TTC7A: variants seen among roughly 807,000 people sequenced by gnomAD.
TTC7A encodes the protein tetratricopeptide repeat domain 7A.
TTC7A carries 110 observed loss-of-function variants against 103.7 expected under a neutral mutation model. The observed-to-expected ratio is 1.06, with a 90% CI of 0.91 to 1.24. The LOEUF (loss-of-function observed/expected upper bound fraction) is 1.24, where lower values mean the gene tolerates loss of function less well. Ranked by LOEUF, TTC7A falls within the 50% of genes most tolerant of loss-of-function variation. TTC7A has a pLI of 0.00. For synonymous variants in TTC7A, 521 were observed against 467.9 expected (o/e 1.11, Z -1.47); for missense variants, 1,340 against 1,116.3 (o/e 1.20, Z -2.86).
intron 18 of TTC7A, among the ~76,000 whole-genome samples, chr2:47,056,040 C>G (rs1683288158): frequency 1.3e-5 from 2 of 151,956 alleles, no homozygotes. Context: ...TCAGCGAGGC[C>G]ACTCTCAGGA....
At chr2:46,977,134 A>G (rs1673958947) in intron 4 of TTC7A, among the ~76,000 whole-genome samples, 1 of 152,234 alleles carries the variant, frequency 6.6e-6, no homozygotes, top group Admixed American at 6.5e-5. Flanking sequence ...GCGATGAGCT[A>G]TAATGCCAGG....
At chr2:46,923,650 G>C (rs923551338) in intron 2 of TTC7A, among the ~76,000 whole-genome samples, 3 of 152,130 alleles carry the variant, frequency 2.0e-5, no homozygotes, top group Non-Finnish European at 2.9e-5. Context: ...CTAACATCTT[G>C]GGAGGCCGAG....
At chr2:46,927,928 C>G (rs1669481938) in intron 2 of TTC7A, among the ~76,000 whole-genome samples, 1 of 104,136 alleles carries the variant, frequency 9.6e-6, no homozygotes, top group Non-Finnish European at 1.8e-5. Flanking sequence ...GGGTCTCACT[C>G]TGTCACCCAG....
chr2:47,071,574 G>A (rs1274989831), intron 19 of TTC7A, among the ~76,000 whole-genome samples: 2 of 152,212 alleles, frequency 1.3e-5, no homozygotes, highest in Non-Finnish European at 2.9e-5. Flanking sequence ...TACAGATGAG[G>A]AAACCACAGC....
At chr2:46,996,088 G>T (rs1676151820) in intron 8 of TTC7A, among the ~76,000 whole-genome samples, 4 of 152,252 alleles carry the variant, frequency 2.6e-5, no homozygotes, top group Admixed American at 1.3e-4. Context: ...TGGTGGCCAT[G>T]GTACCAAGGA....
At chr2:46,961,090 G>C (rs1672329474) in intron 3 of TTC7A, among the ~76,000 whole-genome samples, 1 of 152,182 alleles carries the variant, frequency 6.6e-6, no homozygotes, top group Admixed American at 6.5e-5. Context: ...CCCAGGCCCT[G>C]CCATGGCCCC....
Position 46,994,447 on chromosome 2 carries a change from A to G in TTC7A, c.934A>G (p.Met312Val), listed in dbSNP as rs1306105307. Residue 312 changes from methionine to valine, a missense_variant, in exon 7 of 20, where the codon ATG becomes GTG. Coordinates refer to ENST00000319190, the MANE Select transcript of TTC7A (RefSeq NM_020458.4). ...SPLSHPLPEF[M>V]GKEESSFATQ... ...CCTGTCCCACCCTCTGCCTGAGTTC[A>G]TGGGCAAGGAGGAGAGTTCTTTCGC... 1.9e-6 allele frequency: 3 copies of G among 1,613,850 alleles called. No homozygotes were observed. Among genetic ancestry groups the G allele is most frequent in the African/African-American group, 1.3e-5 (1 of 75,006 alleles).
chr2:46,999,707 T>A (rs565605485), intron 8 of TTC7A: 1 of 985,422 alleles, frequency 1.0e-6, no homozygotes, highest in South Asian at 4.7e-5. Context: ...CCTGATTTTC[T>A]GAGACAGCTG....
intron 3 of TTC7A, among the ~76,000 whole-genome samples, chr2:46,963,812 C>T (rs1672595447): frequency 6.6e-6 from 1 of 152,158 alleles, no homozygotes; most frequent in Non-Finnish European, 1.5e-5. Context: ...ATGGCACCCA[C>T]AAACTCAGAA....
chr2:46,923,086 G>T (rs1669190254), intron 2 of TTC7A, among the ~76,000 whole-genome samples: 1 of 152,230 alleles, frequency 6.6e-6, no homozygotes, highest in South Asian at 2.1e-4. Context: ...TGTCCCCATG[G>T]AGTTGGAGTG....
intron 1 of TTC7A, among the ~76,000 whole-genome samples, chr2:46,943,791 T>C (rs1670680749): frequency 1.3e-5 from 2 of 152,166 alleles, no homozygotes; most frequent in Non-Finnish European, 2.9e-5. Flanking sequence ...ATCTGAAGCT[T>C]CCACAGTTAC....
intron 3 of TTC7A, among the ~76,000 whole-genome samples, chr2:46,968,360 G>A (rs1486526838): frequency 1.1e-4 from 16 of 152,224 alleles, no homozygotes; most frequent in Admixed American, 7.2e-4. Flanking sequence ...AGGACTGGGC[G>A]CAGGGCAGCC....
intron 10 of TTC7A, among the ~76,000 whole-genome samples, chr2:47,010,426 G>A (rs1458287838): frequency 6.6e-6 from 1 of 152,172 alleles, no homozygotes; most frequent in Non-Finnish European, 1.5e-5. Context: ...CCAAGATCTG[G>A]ATAAGTGTTT....
intron 15 of TTC7A, among the ~76,000 whole-genome samples, chr2:47,035,930 A>G (rs1361261420): frequency 6.6e-6 from 1 of 152,182 alleles, no homozygotes; most frequent in African/African-American, 2.4e-5. Flanking sequence ...GACCAAGGCA[A>G]TTGCTTCTTT....
At chr2:47,023,847 C>T (rs987097683) in intron 13 of TTC7A, among the ~76,000 whole-genome samples, 14 of 151,906 alleles carry the variant, frequency 9.2e-5, no homozygotes, top group Non-Finnish European at 1.5e-4. Context: ...CCTCCCCAGC[C>T]ACCCCTCCCA....
Position 46,956,822 on chromosome 2 carries a change from T to C in TTC7A, c.349-17T>C. 1 of 1,613,686 alleles carries C rather than the reference T, an allele frequency of 6.2e-7. No individual in the cohort carries two copies. ...AACTTTGGGGCAGGCGCTGGTAACA[T>C]GTCCTTGTCATTTCAGCCACAGTAC... On this transcript the variant is annotated splice_polypyrimidine_tract_variant and intron_variant, in intron 2 of 19. Coordinates refer to ENST00000319190, the MANE Select transcript of TTC7A (RefSeq NM_020458.4).
chr2:46,934,074 T>C (rs984945293), intron 2 of TTC7A, among the ~76,000 whole-genome samples: 2 of 152,174 alleles, frequency 1.3e-5, no homozygotes, highest in African/African-American at 4.8e-5. Flanking sequence ...GAGAATGTCA[T>C]AATAATCATC....
chr2:46,965,708 C>T (rs527284567), intron 3 of TTC7A, among the ~76,000 whole-genome samples: 12 of 151,666 alleles, frequency 7.9e-5, no homozygotes, highest in Non-Finnish European at 1.3e-4. Context: ...ATTACAGGCA[C>T]GTACTACCAT....
chr2:46,989,580 C>G (rs1675389462), intron 5 of TTC7A, among the ~76,000 whole-genome samples: 1 of 150,994 alleles, frequency 6.6e-6, no homozygotes, highest in Admixed American at 6.6e-5. Flanking sequence ...GACCCCAGAT[C>G]TCTCCCTGTA....
Sources: gnomAD v4.1 joint callset for allele counts (sites outside exome capture counted in the v4.1 genomes callset) on GRCh38, gnomAD v4.1.1 for gene constraint, MANE v1.5 for transcripts, NCBI Gene and HGNC (gene_info 2026-07-23, HGNC 2026-07-21) for gene names.